Variants in TLL2 observed in about 807,000 individuals in gnomAD.
TLL2 encodes tolloid-like protein 2.
TLL2 carries 106 observed loss-of-function variants against 123.0 expected under a neutral mutation model. That is an observed-to-expected ratio of 0.86 (90% CI 0.74 to 1.01). The LOEUF (loss-of-function observed/expected upper bound fraction) is 1.01, where lower values mean the gene tolerates loss of function less well. TLL2 is among the 50% of genes least tolerant of loss of function. The pLI, the probability that TLL2 is intolerant of heterozygous loss-of-function variation, is 0.00. For missense variants in TLL2, 1,332 were observed against 1,336.7 expected, an observed-to-expected ratio of 1.00 and a Z score of 0.06; for synonymous variants, 494 against 516.8, an observed-to-expected ratio of 0.96 and a Z score of 0.60.
At position 96,397,245 on chromosome 10, in the gene TLL2, C is replaced by T. The variant is rs772288729; in HGVS notation, c.1325G>A (p.Trp442Ter). The stretch of plus-strand genomic sequence containing the variant: ...GTTGCTGCTGCTGCGGAACTCCACC[C>T]AGAGCCGGCTGTCCGTGGAGACGAG... ...EPLVSTDSRLWVEFRSSSNIL... is the reference protein window; with the variant it reads ...EPLVSTDSRL Residue 442 changes from tryptophan (W) to a stop codon, truncating the protein, a stop_gained, in exon 11 of 21, where the codon TGG becomes TAG. Coordinates refer to ENST00000357947, the MANE Select transcript of TLL2 (RefSeq NM_012465.4). LOFTEE classifies it high-confidence loss of function. 8.1e-6 allele frequency: 13 copies of T among 1,613,886 alleles called. No homozygotes were observed. The highest frequency in any genetic ancestry group is 2.2e-5 in the East Asian group (1 of 44,862).
At chr10:96,476,883 C>CAGACACACAG (rs1847262017) in intron 2 of TLL2, among the ~76,000 whole-genome samples, 1 of 148,760 alleles carries the variant, frequency 6.7e-6, no homozygotes, top group Admixed American at 6.6e-5. Flanking sequence ...CACACACACA[C>CAGACACACAG]ACACACACAC....
intron 1 of TLL2, among the ~76,000 whole-genome samples, chr10:96,485,528 A>G (rs1222797347): frequency 6.6e-6 from 1 of 152,246 alleles, no homozygotes; most frequent in African/African-American, 2.4e-5. Context: ...AATGGCCAAC[A>G]CATGAAAAGA....
chr10:96,375,858 T>C (rs963513382), intron 18 of TLL2, among the ~76,000 whole-genome samples: 1 of 152,182 alleles, frequency 6.6e-6, no homozygotes, highest in African/African-American at 2.4e-5. Context: ...CCTACTTACC[T>C]CTACAGTCAG....
chr10:96,429,555 A>G (rs1846716139), intron 4 of TLL2, among the ~76,000 whole-genome samples: 1 of 152,226 alleles, frequency 6.6e-6, no homozygotes, highest in African/African-American at 2.4e-5. Flanking sequence ...CTTTGTATTG[A>G]AAGTATTTTC....
intron 3 of TLL2, among the ~76,000 whole-genome samples, chr10:96,438,158 T>C (rs567745255): frequency 1.3e-5 from 2 of 152,288 alleles, no homozygotes; most frequent in South Asian, 2.1e-4. Flanking sequence ...TAAAAAACCA[T>C]GTTGAGATAG....
At chr10:96,459,669 C>CAA (rs1165594084) in intron 2 of TLL2, among the ~76,000 whole-genome samples, 2 of 24,446 alleles carry the variant, frequency 8.2e-5, no homozygotes, top group Non-Finnish European at 1.3e-4. Context: ...GATCCTGTTT[C>CAA]AAAAAAAAAA....
chr10:96,449,662 A>C (rs1395276096), intron 2 of TLL2, among the ~76,000 whole-genome samples: 2 of 151,908 alleles, frequency 1.3e-5, no homozygotes, highest in Non-Finnish European at 2.9e-5. Context: ...AACACCACTG[A>C]TGAGACCCTT....
At chr10:96,488,374 G>T (rs962746672) in intron 1 of TLL2, among the ~76,000 whole-genome samples, 9 of 152,194 alleles carry the variant, frequency 5.9e-5, no homozygotes, top group Non-Finnish European at 1.2e-4. Context: ...CAGCACCTGC[G>T]GGAAGCCCCC....
chr10:96,457,112 A>C (rs1282330126), intron 2 of TLL2, among the ~76,000 whole-genome samples: 1 of 152,226 alleles, frequency 6.6e-6, no homozygotes, highest in Non-Finnish European at 1.5e-5. Flanking sequence ...GCAGCACCTA[A>C]TGCTATGTCT....
At chr10:96,396,042 G>C (rs756002076) in intron 11 of TLL2, 22 bp from the exon 12 acceptor site, 8 of 1,612,990 alleles carry the variant, frequency 5.0e-6, no homozygotes, top group Non-Finnish European at 4.2e-6. Context: ...GACATCAGGA[G>C]AGGAAGACGG....
At chr10:96,383,230 G>A (rs1846201596) in intron 16 of TLL2, among the ~76,000 whole-genome samples, 1 of 152,208 alleles carries the variant, frequency 6.6e-6, no homozygotes, top group Non-Finnish European at 1.5e-5. Flanking sequence ...AGGGTTCATG[G>A]CCTTCAGTTT....
intron 8 of TLL2, among the ~76,000 whole-genome samples, chr10:96,412,899 T>A (rs1846520223): frequency 6.6e-6 from 1 of 152,224 alleles, no homozygotes. Flanking sequence ...CCCTATTTAC[T>A]GTTGTTCTGT....
chr10:96,418,326 GC>G (rs1327392221), intron 7 of TLL2, among the ~76,000 whole-genome samples: 3 of 152,358 alleles, frequency 2.0e-5, no homozygotes, highest in African/African-American at 7.2e-5. Flanking sequence ...CTTGTGCAGT[GC>G]CTGGCACGGA....
At chr10:96,465,910 G>A (rs1847125838) in intron 2 of TLL2, among the ~76,000 whole-genome samples, 1 of 152,250 alleles carries the variant, frequency 6.6e-6, no homozygotes, top group African/African-American at 2.4e-5. Flanking sequence ...AGAAGCCAGA[G>A]TTCTGGATTT....
chr10:96,455,956 C>G (rs1036135761), intron 2 of TLL2, among the ~76,000 whole-genome samples: 4 of 152,238 alleles, frequency 2.6e-5, no homozygotes, highest in African/African-American at 9.6e-5. Flanking sequence ...ACTGAGGAAA[C>G]TGACCGTGTT....
chr10:96,513,330 C>T (rs1427566979), intron 1 of TLL2, among the ~76,000 whole-genome samples, 181 bp downstream of exon 1: 1 of 152,232 alleles, frequency 6.6e-6, no homozygotes, highest in Non-Finnish European at 1.5e-5. Context: ...GGGGCCGGGA[C>T]ATCCCAGCCT....
At chr10:96,494,985 T>C (rs577326181) in intron 1 of TLL2, among the ~76,000 whole-genome samples, 27 of 152,320 alleles carry the variant, frequency 1.8e-4, no homozygotes, top group East Asian at 1.5e-3. Flanking sequence ...TGGAAACCAA[T>C]GGAGTCCATG....
chr10:96,385,975 C>A, intron 15 of TLL2, 80 bp downstream of exon 15: 2 of 1,383,022 alleles, frequency 1.4e-6, no homozygotes, highest in South Asian at 3.5e-5. Context: ...CATCTCCCTG[C>A]CCTCCCAGCC....
At chr10:96,472,929 A>G (rs1216947138) in intron 2 of TLL2, among the ~76,000 whole-genome samples, 2 of 152,072 alleles carry the variant, frequency 1.3e-5, no homozygotes, top group Non-Finnish European at 2.9e-5. Flanking sequence ...TTCAATGCCT[A>G]CCTTTAGCCC....
Sources: allele counts gnomAD v4.1 joint callset (sites outside exome capture counted in the v4.1 genomes callset), GRCh38; gene constraint gnomAD v4.1.1; transcripts MANE v1.5; gene names NCBI Gene and HGNC (gene_info 2026-07-23, HGNC 2026-07-21).